NAA35: variants seen among roughly 807,000 people sequenced by gnomAD.
NAA35 encodes MAK10 homolog, amino-acid N-acetyltransferase subunit.
A neutral mutation model predicts 101.7 loss-of-function variants in NAA35; 18 were observed. That is an observed-to-expected ratio of 0.18 (90% CI 0.12 to 0.26). The LOEUF (loss-of-function observed/expected upper bound fraction) is 0.26. NAA35 is among the 10% of genes least tolerant of loss of function. The pLI is 1.00. For missense variants in NAA35, 601 were observed against 886.8 expected, an observed-to-expected ratio of 0.68 and a Z score of 4.09; for synonymous variants, 267 against 273.1, an observed-to-expected ratio of 0.98 and a Z score of 0.22.
At chr9:86,008,015 A>G (rs907285907) in intron 14 of NAA35, among the ~76,000 whole-genome samples, 2 of 152,200 alleles carry the variant, frequency 1.3e-5, no homozygotes, top group African/African-American at 4.8e-5. Flanking sequence ...AATGTTGAGT[A>G]TCTTTTATCC....
chr9:85,994,338 C>A (rs115367836), intron 11 of NAA35, among the ~76,000 whole-genome samples: 2 of 152,180 alleles, frequency 1.3e-5, no homozygotes, highest in African/African-American at 4.8e-5. Context: ...CAAACCCTCA[C>A]GGCCATTATT....
At chr9:85,998,564 AT>A (rs1013830059) in intron 12 of NAA35, among the ~76,000 whole-genome samples, 58 of 152,300 alleles carry the variant, frequency 3.8e-4, no homozygotes, top group African/African-American at 1.3e-3. Context: ...TTGGATTAAT[AT>A]TTTTTATGGG....
chr9:86,010,456 G>A (rs1183915837), intron 15 of NAA35, among the ~76,000 whole-genome samples: 3 of 151,706 alleles, frequency 2.0e-5, no homozygotes, highest in Admixed American at 6.6e-5. Flanking sequence ...ACTGCAGCCT[G>A]TGGGGACCAT....
rs1828556330 is a variant in NAA35, at chr9:85,942,275, C to G, written c.116C>G (p.Ala39Gly). 1.2e-6 allele frequency: 2 copies of G among 1,613,446 alleles called. No homozygotes were observed. The highest frequency in any genetic ancestry group is 1.7e-6 in the Non-Finnish European group (2 of 1,179,880). ...GACATTACCCAAGATTTTGAAGAAG[C>G]TTGTCGAGGTGAGTCTGATTTTTGG... The part of the protein sequence containing the change: ...WVDITQDFEE[A>G]CRELKLGELL... The change falls in exon 2 of 23, where the codon GCT (alanine) becomes GGT (glycine). Residue 39 changes from alanine (A) to glycine (G), a missense_variant. Physicochemically the swap from Ala to Gly is moderately conservative, Grantham distance 60 (BLOSUM62 0). Transcript: ENST00000361671.
chr9:86,016,771 T>C, intron 18 of NAA35, 96 bp downstream of exon 18: 1 of 1,263,772 alleles, frequency 7.9e-7, no homozygotes, highest in Non-Finnish European at 1.1e-6. Context: ...CATTATATTT[T>C]AGTTCTTGTT....
In NAA35 at chr9:85,994,338, C is replaced by T. The variant is rs115367836; in HGVS notation, c.878-2061C>T. On this transcript the variant is annotated intron_variant, in intron 11 of 22. Transcript: ENST00000361671. ...GTTCCCTCCTCCCCACAAACCCTCA[C>T]GGCCATTATTCTCTGTCTGAATTTC... is the stretch of plus-strand genomic sequence containing the variant. Among the ~76,000 whole-genome samples, 800 of 152,296 alleles carry T rather than the reference C, an allele frequency of 5.3e-3. 4 individuals are homozygous for T. Among genetic ancestry groups the T allele is most frequent in the African/African-American group, 0.016 (681 of 41,558 alleles).
At chr9:85,982,185 G>T (rs1482737935) in intron 11 of NAA35, among the ~76,000 whole-genome samples, 2 of 152,164 alleles carry the variant, frequency 1.3e-5, no homozygotes, top group African/African-American at 2.4e-5. Context: ...ATGGAGCACT[G>T]TACTAGTAAA....
At chr9:85,948,977 G>A (rs188729165) in intron 2 of NAA35, among the ~76,000 whole-genome samples, 1 of 152,112 alleles carries the variant, frequency 6.6e-6, no homozygotes, top group East Asian at 1.9e-4. Context: ...GCCAGGTCTC[G>A]AACTCATGAC....
chr9:85,969,057 C>A (rs576366822), intron 6 of NAA35, among the ~76,000 whole-genome samples: 5 of 152,206 alleles, frequency 3.3e-5, no homozygotes, highest in Non-Finnish European at 5.9e-5. Flanking sequence ...GTCTTGTTCT[C>A]CAGCTTCAGT....
At chr9:85,991,134 A>G (rs540985275) in intron 11 of NAA35, among the ~76,000 whole-genome samples, 1 of 152,122 alleles carries the variant, frequency 6.6e-6, no homozygotes, top group African/African-American at 2.4e-5. Context: ...GTATGTCAGG[A>G]GCCTAAGTAG....
chr9:85,948,356 G>A (rs1029975480), intron 2 of NAA35, among the ~76,000 whole-genome samples: 29 of 152,182 alleles, frequency 1.9e-4, no homozygotes, highest in Middle Eastern at 3.4e-3. Context: ...TCTACCAGTT[G>A]TCTAAATCTC....
chr9:86,007,566 A>C (rs1831704125), intron 14 of NAA35, 102 bp downstream of exon 14: 1 of 765,276 alleles, frequency 1.3e-6, no homozygotes, highest in Non-Finnish European at 2.2e-6. Flanking sequence ...AATTGGGACC[A>C]AATCTCCATG....
chr9:86,016,527 G>A lies in NAA35; in HGVS notation c.1569-12G>A. ...GACATCTACCATTAACTAACATTTT[G>A]TATCCTTTAAGGTATCTCTCTGAAT... On this transcript the variant is annotated splice_polypyrimidine_tract_variant and intron_variant, in intron 17 of 22. Transcript: ENST00000361671. The A allele has an allele frequency of 6.2e-7, 1 of 1,607,384 alleles. No homozygotes were observed. Among genetic ancestry groups the A allele is most frequent in the Non-Finnish European group, 8.5e-7 (1 of 1,177,476 alleles).
At chr9:85,963,525 T>G (rs1402438447) in intron 6 of NAA35, among the ~76,000 whole-genome samples, 1 of 152,076 alleles carries the variant, frequency 6.6e-6, no homozygotes, top group Non-Finnish European at 1.5e-5. Flanking sequence ...TGCCTCAGCC[T>G]CCCAAAGTTC....
intron 11 of NAA35, 114 bp downstream of exon 11, chr9:85,978,495 A>G (rs1830308311): frequency 1.5e-6 from 1 of 671,800 alleles, no homozygotes; most frequent in Non-Finnish European, 2.6e-6. Context: ...GGATGTTTTA[A>G]TCCAGAGACT....
chr9:86,008,259 C>G (rs376096017), intron 14 of NAA35, among the ~76,000 whole-genome samples: 2 of 152,120 alleles, frequency 1.3e-5, no homozygotes, highest in Admixed American at 1.3e-4. Context: ...GATGGGCTTT[C>G]GCTATGTTGG....
At chr9:85,976,647 T>C (rs200022246) in intron 8 of NAA35, 38 bp from the exon 9 acceptor site, 2 of 1,445,472 alleles carry the variant, frequency 1.4e-6, no homozygotes, top group South Asian at 1.3e-5. Flanking sequence ...TAATATTTTT[T>C]CAGGTTTGTG....
intron 12 of NAA35, among the ~76,000 whole-genome samples, chr9:86,000,467 A>G (rs1204429964): frequency 1.3e-5 from 2 of 152,028 alleles, no homozygotes; most frequent in African/African-American, 4.8e-5. Context: ...TTCTGTAGGA[A>G]TGGTACCAGC....
chr9:85,992,412 C>T (rs549277464), intron 11 of NAA35, among the ~76,000 whole-genome samples: 2 of 151,966 alleles, frequency 1.3e-5, no homozygotes, highest in Non-Finnish European at 2.9e-5. Context: ...GTCCCCCCAA[C>T]CCCCAAATAC....
Sources: gnomAD v4.1 joint callset for allele counts (sites outside exome capture counted in the v4.1 genomes callset) on GRCh38, gnomAD v4.1.1 for gene constraint, MANE v1.5 for transcripts, NCBI Gene and HGNC (gene_info 2026-07-23, HGNC 2026-07-21) for gene names.